Variants in TP53BP2 observed in about 807,000 individuals in gnomAD.
TP53BP2 encodes tumor protein p53 binding protein 2, also known as apoptosis-stimulating of p53 protein 2.
In TP53BP2, 62 loss-of-function variants were observed where a neutral mutation model predicts 126.2. The observed-to-expected ratio is 0.49, with a 90% CI of 0.40 to 0.61. The LOEUF (loss-of-function observed/expected upper bound fraction) is 0.61, where lower values mean the gene tolerates loss of function less well. Among genes scored for constraint, TP53BP2 ranks in the 20% least tolerant of loss-of-function variants. TP53BP2 has a pLI of 0.00. For synonymous variants in TP53BP2, 485 were observed against 502.9 expected (o/e 0.96, Z 0.48); for missense variants, 1,215 against 1,402.8 (o/e 0.87, Z 2.14).
At chr1:223,786,146 C>A (rs1435217219) in intron 16 of TP53BP2, among the ~76,000 whole-genome samples, 1 of 152,174 alleles carries the variant, frequency 6.6e-6, no homozygotes, top group African/African-American at 2.4e-5. Context: ...AAGCAGGCCA[C>A]AGAATCACCA....
chr1:223,789,453 G>A (rs535795694), intron 15 of TP53BP2, among the ~76,000 whole-genome samples: 51 of 152,288 alleles, frequency 3.3e-4, no homozygotes, highest in African/African-American at 1.2e-3. Context: ...GAAATGAAAT[G>A]TGTATAAACA....
At chr1:223,814,064 C>T in intron 3 of TP53BP2, 176 bp downstream of exon 3, 1 of 563,786 alleles carries the variant, frequency 1.8e-6, no homozygotes. Flanking sequence ...TCCTTCCCAC[C>T]TGCATTAAAC....
At position 223,802,271 on chromosome 1, in the gene TP53BP2, A is replaced by C; in HGVS notation, c.1070T>G (p.Ile357Ser). 1 of 1,614,212 alleles carries C rather than the reference A, an allele frequency of 6.2e-7. No homozygotes were observed. Among genetic ancestry groups the C allele is most frequent in the Non-Finnish European group, 8.5e-7 (1 of 1,180,024 alleles). Residue 357 changes from isoleucine (I) to serine (S), a missense_variant, in exon 9 of 18, where the codon ATC becomes AGC. Transcript: ENST00000343537. ...PSRVAAVGPY[I>S]QSSTMPRMPS... ...CATCCGAGGCATAGTAGACGACTGG[A>C]TATAGGGACCTACTGCAGCCACACG...
intron 1 of TP53BP2, 124 bp downstream of exon 1, chr1:223,845,530 G>A: frequency 1.8e-6 from 2 of 1,094,466 alleles, no homozygotes; most frequent in Non-Finnish European, 2.4e-6. Flanking sequence ...GGAAAGCCCC[G>A]GCCCCTCCGC....
In TP53BP2 at chr1:223,780,795, T is replaced by C. The variant is rs1327447276; in HGVS notation, c.*58A>G. The C allele has an allele frequency of 6.4e-7, 1 of 1,567,292 alleles. No homozygotes were observed. The highest frequency in any genetic ancestry group is 8.7e-7 in the Non-Finnish European group (1 of 1,152,696). On this transcript the variant is annotated 3_prime_UTR_variant, in exon 18 of 18. Transcript: ENST00000343537. ...GTGAAATTTTTGCCAAAAATAATCG[T>C]ATTACTTCTTCTTAACAGAGATTAA...
At chr1:223,803,038 A>G in intron 7 of TP53BP2, 143 bp from the exon 8 acceptor site, 1 of 988,592 alleles carries the variant, frequency 1.0e-6, no homozygotes, top group South Asian at 1.7e-5. Flanking sequence ...CATGGTTTAA[A>G]ATTAAGTGAC....
intron 13 of TP53BP2, among the ~76,000 whole-genome samples, chr1:223,794,650 C>T (rs1662258704): frequency 6.6e-6 from 1 of 152,146 alleles, no homozygotes; most frequent in Admixed American, 6.6e-5. Context: ...GTGGCTGTAA[C>T]GTGGATTGGT....
intron 3 of TP53BP2, among the ~76,000 whole-genome samples, chr1:223,813,534 C>A (rs1292544490): frequency 6.6e-6 from 1 of 152,106 alleles, no homozygotes. Flanking sequence ...TATCACCTTG[C>A]CAATACCCTC....
chr1:223,843,444 C>T (rs1664170986), intron 1 of TP53BP2, among the ~76,000 whole-genome samples: 1 of 152,208 alleles, frequency 6.6e-6, no homozygotes, highest in Admixed American at 6.5e-5. Context: ...GCTGAGATTA[C>T]AGGCATGAGC....
At chr1:223,799,656 T>C (rs948484099) in intron 11 of TP53BP2, among the ~76,000 whole-genome samples, 45 of 152,246 alleles carry the variant, frequency 3.0e-4, no homozygotes, top group African/African-American at 1.1e-3. Flanking sequence ...GATGCACTTA[T>C]ACTTTTTAGA....
chr1:223,805,810 A>G (rs1396521686), intron 5 of TP53BP2, among the ~76,000 whole-genome samples: 1 of 152,214 alleles, frequency 6.6e-6, no homozygotes, highest in Non-Finnish European at 1.5e-5. Context: ...TTGTAAGTAA[A>G]GTTTTATTGG....
intron 2 of TP53BP2, among the ~76,000 whole-genome samples, chr1:223,817,697 AG>A (rs1445746091): frequency 1.3e-5 from 2 of 152,116 alleles, no homozygotes; most frequent in Admixed American, 1.3e-4. Flanking sequence ...AGGCTGAGGC[AG>A]GCGGATCACT....
chr1:223,802,667 A>G (rs1662567971), intron 8 of TP53BP2, 64 bp downstream of exon 8: 3 of 1,567,334 alleles, frequency 1.9e-6, no homozygotes, highest in Non-Finnish European at 2.6e-6. Flanking sequence ...GCCTATGAGT[A>G]ACCTCACTGG....
At chr1:223,808,450 A>T (rs1662796450) in intron 4 of TP53BP2, among the ~76,000 whole-genome samples, 1 of 151,888 alleles carries the variant, frequency 6.6e-6, no homozygotes, top group South Asian at 2.1e-4. Flanking sequence ...CTGAGGCAGG[A>T]GAATCACTTG....
chr1:223,836,859 G>C (rs1027778448), intron 1 of TP53BP2, among the ~76,000 whole-genome samples: 1 of 151,836 alleles, frequency 6.6e-6, no homozygotes, highest in African/African-American at 2.4e-5. Context: ...CCAGGTCCGT[G>C]GCTACTAAAA....
chr1:223,802,448 C>G, intron 8 of TP53BP2, 104 bp from the exon 9 acceptor site: 3 of 1,173,202 alleles, frequency 2.6e-6, no homozygotes, highest in Non-Finnish European at 3.6e-6. Flanking sequence ...TGAGCAGTTT[C>G]AGAATCTAGC....
intron 3 of TP53BP2, among the ~76,000 whole-genome samples, chr1:223,812,615 C>T (rs934852279): frequency 1.6e-4 from 24 of 151,862 alleles, no homozygotes; most frequent in African/African-American, 5.6e-4. Context: ...GGCTGCAGTG[C>T]GTGGTGCCAT....
Position 223,792,525 on chromosome 1 carries a change from A to G in TP53BP2, c.2863-3T>C, listed in dbSNP as rs760255494. On this transcript the variant is annotated splice_region_variant and splice_polypyrimidine_tract_variant and intron_variant, in intron 14 of 17. Transcript: ENST00000343537. ...TTGGGGAGGCTTGGGTCATCAACCT[A>G]TATCAAGAAGAAGGGTGAGCATCAC... 90 of 1,613,684 alleles carry G rather than the reference A, an allele frequency of 5.6e-5. No individual in the cohort carries two copies. Among genetic ancestry groups the G allele is most frequent in the South Asian group, 1.2e-4 (11 of 91,056 alleles).
At chr1:223,785,506 G>A (rs1182685676) in intron 16 of TP53BP2, among the ~76,000 whole-genome samples, 1 of 152,184 alleles carries the variant, frequency 6.6e-6, no homozygotes, top group Non-Finnish European at 1.5e-5. Flanking sequence ...TGGGAATGAA[G>A]AAAGACGTAG....
Sources: allele counts gnomAD v4.1 joint callset (sites outside exome capture counted in the v4.1 genomes callset), GRCh38; gene constraint gnomAD v4.1.1; transcripts MANE v1.5; gene names NCBI Gene and HGNC (gene_info 2026-07-23, HGNC 2026-07-21).